The following KDM2B variants were observed in gnomAD, a reference collection of about 807,000 sequenced individuals.
The protein encoded by KDM2B is lysine demethylase 2B.
KDM2B carries 26 observed loss-of-function variants against 150.0 expected under a neutral mutation model. That is an observed-to-expected ratio of 0.17 (90% CI 0.13 to 0.24). The LOEUF (loss-of-function observed/expected upper bound fraction) is 0.24, where lower values mean the gene tolerates loss of function less well. Among genes scored for constraint, KDM2B ranks in the 10% least tolerant of loss-of-function variants. The pLI is 1.00. For missense variants in KDM2B, 1,265 were observed against 1,816.9 expected (o/e 0.70, Z 5.52); for synonymous variants, 734 against 729.5 (o/e 1.01, Z -0.10).
intron 9 of KDM2B, chr12:121,516,454 A>C: frequency 7.6e-7 from 1 of 1,311,490 alleles, no homozygotes; most frequent in Non-Finnish European, 9.9e-7. Context: ...AAAAATTTGC[A>C]AAGAATTGAC....
At chr12:121,539,230 G>GGCTGGGGTGGGAGGACT (rs1937202395) in intron 6 of KDM2B, among the ~76,000 whole-genome samples, 1 of 150,998 alleles carries the variant, frequency 6.6e-6, no homozygotes, top group African/African-American at 2.4e-5. Flanking sequence ...CTACCAGGGA[G>GGCTGGGGTGGGAGGACT]GCTGGGGTGG....
chr12:121,579,512 C>CCCGGGA, intron 1 of KDM2B: 2 of 1,114,086 alleles, frequency 1.8e-6, no homozygotes, highest in Non-Finnish European at 2.4e-6. Flanking sequence ...GCCCGCCCGC[C>CCCGGGA]AGTGCAAGAA....
At chr12:121,434,261 C>T (rs887081714) in intron 22 of KDM2B, among the ~76,000 whole-genome samples, 7 of 151,848 alleles carry the variant, frequency 4.6e-5, no homozygotes, top group African/African-American at 1.5e-4. Flanking sequence ...CTCGGCCAGG[C>T]GTGGTGACTC....
chr12:121,537,157 C>T lies in KDM2B; in HGVS notation c.684-2567G>A, dbSNP rs778770875. Among the ~76,000 whole-genome samples the T allele has an allele frequency of 7.0e-4, 107 of 152,182 alleles. No individual in the cohort carries two copies. The highest frequency in any genetic ancestry group is 1.2e-3 in the Non-Finnish European group (84 of 67,982). On this transcript the variant is annotated intron_variant, in intron 6 of 22. Coordinates refer to ENST00000377071, the MANE Select transcript of KDM2B (RefSeq NM_032590.5). This position sits in a 1 kb window ranked among gnomAD's most constrained non-coding sequence, Gnocchi z 8.7. ...CTGGCCGCCCCTCCCACCCCGCGAT[C>T]GCAGGCATTAGGGGAGCCAGGGTGG...
intron 4 of KDM2B, among the ~76,000 whole-genome samples, chr12:121,570,311 G>A (rs1280455228): frequency 2.6e-5 from 4 of 151,884 alleles, no homozygotes; most frequent in South Asian, 2.1e-4. Context: ...CTCAGCCTCC[G>A]AAAGTGCTGG....
At chr12:121,580,715 T>A in intron 1 of KDM2B, 71 bp downstream of exon 1, 24 of 1,285,380 alleles carry the variant, frequency 1.9e-5, no homozygotes, top group East Asian at 2.9e-5. Context: ...ACCCCCCACC[T>A]CCGTTCCTGC....
rs920646563 is a variant in KDM2B, at chr12:121,549,309, C to T, written c.576+151G>A. ...GCAAGATCCCTGTCTCTACAAACCA[C>T]GTTACCAACCTTAGTCACCCCTATG... On this transcript the variant is annotated intron_variant, in intron 5 of 22. Coordinates refer to ENST00000377071, the MANE Select transcript of KDM2B (RefSeq NM_032590.5). The surrounding 1 kb of genome is among the most constrained non-coding windows in gnomAD (Gnocchi z 4.4). 4.5e-6 allele frequency: 3 copies of T among 672,006 alleles called. No homozygotes were observed. Among genetic ancestry groups the T allele is most frequent in the African/African-American group, 1.8e-5 (1 of 55,682 alleles). 41.6% of individuals were successfully genotyped at this position (672,006 alleles called of 1,614,324 possible). A position where few individuals can be genotyped will look rare whatever the true frequency, so the allele number is the denominator to read the frequency against.
chr12:121,418,730 T>G, the KDM2B span: 1 of 152,292 alleles, frequency 6.6e-6, no homozygotes, highest in East Asian at 1.9e-4. Context: ...AGACTTTTTT[T>G]TTTGTTTGGA....
intron 6 of KDM2B, among the ~76,000 whole-genome samples, chr12:121,547,690 C>T (rs1316089144): frequency 6.7e-6 from 1 of 149,830 alleles, no homozygotes; most frequent in East Asian, 2.0e-4. Flanking sequence ...CGCTCTGTCG[C>T]CCAGGCTGGA....
At chr12:121,423,390 C>T in the KDM2B span, 172 of 1,601,610 alleles carry the variant, frequency 1.1e-4, no homozygotes, top group Middle Eastern at 5.0e-4. This position sits in a 1 kb window ranked among gnomAD's most constrained non-coding sequence, Gnocchi z 4.3. Flanking sequence ...TTTCAGATGG[C>T]GAGCGGCTGC....
chr12:121,552,354 T>G (rs2142067524), intron 4 of KDM2B, among the ~76,000 whole-genome samples: 1 of 152,214 alleles, frequency 6.6e-6, no homozygotes, highest in Non-Finnish European at 1.5e-5. Context: ...TACTGAATCT[T>G]GATCGTATGC....
At chr12:121,413,877 A>C in the KDM2B span, among the ~76,000 whole-genome samples, 3 of 152,012 alleles carry the variant, frequency 2.0e-5, no homozygotes, top group Non-Finnish European at 4.4e-5. Flanking sequence ...GCCCGGCTTC[A>C]CCTGACTTTT....
chr12:121,408,632 GATGAA>G, the KDM2B span, among the ~76,000 whole-genome samples: 1 of 152,244 alleles, frequency 6.6e-6, no homozygotes, highest in East Asian at 1.9e-4. Context: ...AGTACAGGAA[GATGAA>G]ACATACTAAA....
chr12:121,429,671 T>C lies in KDM2B; in HGVS notation c.*617A>G, dbSNP rs1256338756. Reference sequence around the variant, plus strand: ...CCTACTTTGTTAGATCTGGGCACATTTGTAGATGGGTTGTGTCGATGAAGT... The same window carrying C: ...CCTACTTTGTTAGATCTGGGCACATCTGTAGATGGGTTGTGTCGATGAAGT... On this transcript the variant is annotated 3_prime_UTR_variant, in exon 23 of 23. Coordinates refer to ENST00000377071, the MANE Select transcript of KDM2B (RefSeq NM_032590.5). 3.3e-6 allele frequency: 1 copy of C among 301,358 alleles called. No individual in the cohort carries two copies. The highest frequency in any genetic ancestry group is 2.1e-5 in the African/African-American group (1 of 46,666). 18.7% of individuals were successfully genotyped at this position (301,358 alleles called of 1,614,324 possible).
rs1374778409 is a variant in KDM2B, at chr12:121,513,650, G to A, written c.1048-248C>T. Among the ~76,000 whole-genome samples, 6 of 152,172 alleles carry A rather than the reference G, an allele frequency of 3.9e-5. No individual in the cohort carries two copies. Among genetic ancestry groups the A allele is most frequent in the African/African-American group, 1.4e-4 (6 of 41,450 alleles). On this transcript the variant is annotated intron_variant, in intron 9 of 22. Coordinates refer to ENST00000377071, the MANE Select transcript of KDM2B (RefSeq NM_032590.5). This position sits in a 1 kb window ranked among gnomAD's most constrained non-coding sequence, Gnocchi z 5.0. ...AGGTCCCTGAGCTGCACGCCCCAGA[G>A]GTTGGATGGGGGCCACTTGATGCTC...
intron 4 of KDM2B, among the ~76,000 whole-genome samples, chr12:121,560,931 G>A (rs1430160730): frequency 6.6e-6 from 1 of 151,898 alleles, no homozygotes; most frequent in Non-Finnish European, 1.5e-5. Context: ...GACCTGCAAG[G>A]GATCCACACT....
At chr12:121,580,486 C>T in intron 1 of KDM2B, 1 of 1,178,854 alleles carries the variant, frequency 8.5e-7, no homozygotes, top group Non-Finnish European at 1.1e-6. Flanking sequence ...TGCACGCAGG[C>T]GCCGCCGCCG....
chr12:121,580,913 T>C lies in KDM2B; in HGVS notation c.-2A>G, dbSNP rs782651480. The C allele has an allele frequency of 2.0e-5, 33 of 1,613,514 alleles. No individual in the cohort carries two copies. The highest frequency in any genetic ancestry group is 2.7e-5 in the Non-Finnish European group (32 of 1,179,832). ...TCCCCCCATTTGCGGACCCGCCATG[T>C]GGAGGAGGCATTTGGGGGGCTCAGA... On this transcript the variant is annotated 5_prime_UTR_variant, in exon 1 of 23. Transcript: ENST00000377071.
chr12:121,517,420 G>GT (rs1886308857), intron 9 of KDM2B, among the ~76,000 whole-genome samples: 1 of 151,668 alleles, frequency 6.6e-6, no homozygotes, highest in African/African-American at 2.4e-5. Flanking sequence ...GGGTTCCCTA[G>GT]TTTAGATAGG....
Sources: allele counts gnomAD v4.1 joint callset (sites outside exome capture counted in the v4.1 genomes callset), GRCh38; gene constraint gnomAD v4.1.1; non-coding constraint Gnocchi (gnomAD v3.1); transcripts MANE v1.5; gene names NCBI Gene and HGNC (gene_info 2026-07-23, HGNC 2026-07-21).